The following QSOX1 variants were observed in gnomAD, a reference collection of about 807,000 sequenced individuals.
QSOX1 encodes sulfhydryl oxidase 1.
In QSOX1, 40 loss-of-function variants were observed where a neutral mutation model predicts 76.1. The ratio of observed to expected loss-of-function variants is 0.53; its 90% CI spans 0.41 to 0.68. The LOEUF is 0.68. Among genes scored for constraint, QSOX1 ranks in the 30% least tolerant of loss-of-function variants. The pLI is 0.00. For missense variants in QSOX1, 931 were observed against 974.3 expected (o/e 0.96, Z 0.59); for synonymous variants, 392 against 413.1 (o/e 0.95, Z 0.62).
chr1:180,168,606 A>C (rs1662687799), intron 2 of QSOX1, among the ~76,000 whole-genome samples: 1 of 152,200 alleles, frequency 6.6e-6, no homozygotes, highest in South Asian at 2.1e-4. Context: ...ATTATCATTA[A>C]ACCAGAAGTT....
intron 4 of QSOX1, among the ~76,000 whole-genome samples, chr1:180,176,577 T>C (rs1662899643): frequency 6.6e-6 from 1 of 152,218 alleles, no homozygotes; most frequent in Non-Finnish European, 1.5e-5. Flanking sequence ...GCTCTGTATC[T>C]GTCAGCCAGG....
Position 180,198,036 on chromosome 1 carries a change from C to T in QSOX1, c.*999C>T. ...AATAAATTATTTTTGTTAAGGCAAG[C>T]ATTGGTGTGTTCTTTAACTTGCTAC... On this transcript the variant is annotated 3_prime_UTR_variant, in exon 12 of 12. Transcript: ENST00000367602. 2.6e-6 allele frequency: 1 copy of T among 380,672 alleles called. No individual in the cohort carries two copies. Among genetic ancestry groups the T allele is most frequent in the South Asian group, 1.9e-5 (1 of 52,334 alleles). The allele number at this position is 380,672 out of a possible 1,614,324, so 23.6% of individuals were successfully genotyped here.
chr1:180,184,724 G>T (rs553605551), intron 7 of QSOX1, among the ~76,000 whole-genome samples: 7 of 152,346 alleles, frequency 4.6e-5, no homozygotes, highest in African/African-American at 1.7e-4. Context: ...TCTGACCAGG[G>T]AGCTCAGAGC....
chr1:180,185,306 A>G (rs1376105655), intron 7 of QSOX1, among the ~76,000 whole-genome samples: 1 of 152,230 alleles, frequency 6.6e-6, no homozygotes, highest in African/African-American at 2.4e-5. Context: ...AAGCTCACAA[A>G]CTAGCTCACA....
At chr1:180,165,463 G>T (rs886456341) in intron 1 of QSOX1, among the ~76,000 whole-genome samples, 4 of 152,248 alleles carry the variant, frequency 2.6e-5, no homozygotes, top group South Asian at 2.1e-4. Context: ...TCTCCAGGCA[G>T]CCTGGTTTCT....
intron 4 of QSOX1, among the ~76,000 whole-genome samples, chr1:180,176,477 G>C (rs1444860888): frequency 2.0e-5 from 3 of 152,214 alleles, no homozygotes; most frequent in African/African-American, 4.8e-5. Flanking sequence ...GAGGGAAATT[G>C]GGGGGAGGTG....
chr1:180,196,134 T>C lies in QSOX1; in HGVS notation c.1469-128T>C. ...GTAATCTGTATTTTCTAATTACCCA[T>C]CCTCTGGAAGGGCAGTGGCGAGCCC... On this transcript the variant is annotated intron_variant, in intron 11 of 11. Transcript: ENST00000367602. The surrounding 1 kb of genome is among the most constrained non-coding windows in gnomAD (Gnocchi z 4.1). 1 of 1,181,064 alleles carries C rather than the reference T, an allele frequency of 8.5e-7. No homozygotes were observed. Among genetic ancestry groups the C allele is most frequent in the Non-Finnish European group, 1.2e-6 (1 of 847,092 alleles). The allele number at this position is 1,181,064 out of a possible 1,614,324, so 73.2% of individuals were successfully genotyped here.
chr1:180,171,564 G>T (rs532607939), intron 2 of QSOX1, among the ~76,000 whole-genome samples: 1 of 152,350 alleles, frequency 6.6e-6, no homozygotes, highest in Admixed American at 6.5e-5. Context: ...AAAGTCATTG[G>T]CTTTGGCAAG....
At chr1:180,194,109 G>A (rs1663395737) in intron 10 of QSOX1, 104 bp from the exon 11 acceptor site, 1 of 1,084,574 alleles carries the variant, frequency 9.2e-7, no homozygotes, top group Non-Finnish European at 1.3e-6. Flanking sequence ...CCTGTGCAGG[G>A]GTGGCCACGG....
chr1:180,197,109 C>G lies in QSOX1; in HGVS notation c.*72C>G, dbSNP rs1344024876. On this transcript the variant is annotated 3_prime_UTR_variant, in exon 12 of 12. Coordinates refer to ENST00000367602, the MANE Select transcript of QSOX1 (RefSeq NM_002826.5). ...CTCAAGCCCCCTGACCCCATTCCCT[C>G]CCCTCCCACCCCTTGCTCCTTGTCT... The G allele has an allele frequency of 6.8e-7, 1 of 1,478,908 alleles. No individual in the cohort carries two copies. The highest frequency in any genetic ancestry group is 2.3e-5 in the Admixed American group (1 of 42,742). 91.6% of individuals were successfully genotyped at this position (1,478,908 alleles called of 1,614,324 possible).
rs1663480484 is a variant in QSOX1 at position 180,196,173 on chromosome 1, G to C, written c.1469-89G>C. The C allele has an allele frequency of 6.8e-7, 1 of 1,476,988 alleles. No individual in the cohort carries two copies. The highest frequency in any genetic ancestry group is 9.1e-7 in the Non-Finnish European group (1 of 1,096,288). The allele number at this position is 1,476,988 out of a possible 1,614,324, so 91.5% of individuals were successfully genotyped here. On this transcript the variant is annotated intron_variant, in intron 11 of 11. Coordinates refer to ENST00000367602, the MANE Select transcript of QSOX1 (RefSeq NM_002826.5). The surrounding 1 kb of genome is among the most constrained non-coding windows in gnomAD (Gnocchi z 4.1). ...AGTGGCGAGCCCTTTCTGCAGACAA[G>C]GAAGCTGGCGTTCTGAGTGGAGGAG... is the stretch of plus-strand genomic sequence containing the variant.
At chr1:180,182,381 C>T in intron 6 of QSOX1, 62 bp downstream of exon 6, 1 of 1,591,520 alleles carries the variant, frequency 6.3e-7, no homozygotes, top group African/African-American at 1.3e-5. Context: ...TTCCTTCTTG[C>T]CCAGAGGGGC....
rs1043420030 is a variant in QSOX1 at position 180,177,211 on chromosome 1, A to G, written c.515+1178A>G. On this transcript the variant is annotated intron_variant, in intron 4 of 11. Coordinates refer to ENST00000367602, the MANE Select transcript of QSOX1 (RefSeq NM_002826.5). ...TCAGCCCTGGGGTATCTCAAAAGCA[A>G]CAGCTCAAGCAATCCTGCCAAGGTC... Among the ~76,000 whole-genome samples, 8 of 151,244 alleles carry G rather than the reference A, an allele frequency of 5.3e-5. No individual in the cohort carries two copies. In the Middle Eastern group the frequency reaches 0.018, roughly 335 times the overall value.
chr1:180,193,689 C>T (rs1663380417), intron 10 of QSOX1, among the ~76,000 whole-genome samples: 1 of 79,126 alleles, frequency 1.3e-5, no homozygotes, highest in South Asian at 4.2e-4. Context: ...CCAGAGGGTC[C>T]AGTGGGTGGG....
chr1:180,170,416 C>A (rs3767188), intron 2 of QSOX1, among the ~76,000 whole-genome samples: 1 of 152,056 alleles, frequency 6.6e-6, no homozygotes, highest in Non-Finnish European at 1.5e-5. Context: ...TTCCTTAAAA[C>A]GTTATAAAAG....
At chr1:180,182,135 C>G in intron 5 of QSOX1, 39 bp from the exon 6 acceptor site, 3 of 1,609,736 alleles carry the variant, frequency 1.9e-6, no homozygotes, top group Non-Finnish European at 2.5e-6. Flanking sequence ...CTCCCTCCAC[C>G]CGGTGGCCTG....
At chr1:180,194,780 G>C (rs1233142732) in intron 11 of QSOX1, among the ~76,000 whole-genome samples, 5 of 152,188 alleles carry the variant, frequency 3.3e-5, no homozygotes, top group Admixed American at 1.3e-4. Context: ...GAGGAGACCA[G>C]GTCGTTCCTG....
intron 4 of QSOX1, among the ~76,000 whole-genome samples, chr1:180,176,897 C>G (rs1662909357): frequency 6.6e-6 from 1 of 152,204 alleles, no homozygotes; most frequent in Non-Finnish European, 1.5e-5. Flanking sequence ...CAGGTGCTCT[C>G]AGAGACATGG....
intron 4 of QSOX1, 56 bp downstream of exon 4, chr1:180,176,089 A>G: frequency 1.4e-6 from 2 of 1,409,958 alleles, no homozygotes; most frequent in Non-Finnish European, 2.0e-6. Context: ...CAGGCCTGGG[A>G]GTGAGAGGGT....
Sources: gnomAD v4.1 joint callset for allele counts (sites outside exome capture counted in the v4.1 genomes callset) on GRCh38, gnomAD v4.1.1 for gene constraint, Gnocchi (gnomAD v3.1) non-coding constraint, MANE v1.5 for transcripts, NCBI Gene and HGNC (gene_info 2026-07-23, HGNC 2026-07-21) for gene names.